The following ADAMTSL1 variants were observed in gnomAD, a reference collection of about 807,000 sequenced individuals.
The protein encoded by ADAMTSL1 is ADAMTS like 1.
In ADAMTSL1, 126 loss-of-function variants were observed where a neutral mutation model predicts 201.8. The observed-to-expected ratio is 0.62, with a 90% CI of 0.54 to 0.72. ADAMTSL1 has a LOEUF of 0.72. ADAMTSL1 is among the 30% of genes least tolerant of loss of function. The pLI, the probability that ADAMTSL1 is intolerant of heterozygous loss-of-function variation, is 0.00. For missense variants in ADAMTSL1, 2,679 were observed against 2,277.8 expected, an observed-to-expected ratio of 1.18 and a Z score of -3.59; for synonymous variants, 1,121 against 903.4, an observed-to-expected ratio of 1.24 and a Z score of -4.32.
At chr9:18,637,271 A>C (rs1048247463) in intron 6 of ADAMTSL1, among the ~76,000 whole-genome samples, 12 of 152,114 alleles carry the variant, frequency 7.9e-5, no homozygotes, top group African/African-American at 2.9e-4. Flanking sequence ...ATTACCACTC[A>C]AATGATTCAT....
At chr9:18,703,936 T>C (rs1832082106) in intron 13 of ADAMTSL1, among the ~76,000 whole-genome samples, 1 of 151,802 alleles carries the variant, frequency 6.6e-6, no homozygotes, top group Non-Finnish European at 1.5e-5. Context: ...TTCTAGATCT[T>C]ATCTGGGGCT....
intron 1 of ADAMTSL1, among the ~76,000 whole-genome samples, chr9:18,132,228 C>A (rs1006111315): frequency 6.6e-6 from 1 of 152,130 alleles, no homozygotes; most frequent in Non-Finnish European, 1.5e-5. Context: ...TTTCTTTGAT[C>A]AGTTCTTTTC....
intron 19 of ADAMTSL1, among the ~76,000 whole-genome samples, chr9:18,789,210 C>T (rs1821883605): frequency 6.6e-6 from 1 of 152,312 alleles, no homozygotes; most frequent in Non-Finnish European, 1.5e-5. Context: ...ACAACTGTAA[C>T]AAAATCATAA....
intron 1 of ADAMTSL1, among the ~76,000 whole-genome samples, chr9:18,125,556 T>A (rs920124459): frequency 2.1e-4 from 32 of 152,226 alleles, no homozygotes. Context: ...TTTATAATTT[T>A]AGCTTTTAAT....
chr9:18,735,746 T>A (rs1489895695), intron 15 of ADAMTSL1, among the ~76,000 whole-genome samples: 1 of 127,740 alleles, frequency 7.8e-6, no homozygotes, highest in Non-Finnish European at 1.7e-5. Context: ...GCATTCTTTT[T>A]TCTTTTTTTT....
chr9:17,936,527 G>T (rs1460255616), intron 1 of ADAMTSL1, among the ~76,000 whole-genome samples: 2 of 152,188 alleles, frequency 1.3e-5, no homozygotes, highest in Non-Finnish European at 2.9e-5. Flanking sequence ...GGTTGAACCA[G>T]TTGATCTCTG....
intron 19 of ADAMTSL1, among the ~76,000 whole-genome samples, chr9:18,783,159 G>T (rs1037247783): frequency 1.3e-5 from 2 of 152,194 alleles, no homozygotes; most frequent in African/African-American, 4.8e-5. Flanking sequence ...CTGGGCATTA[G>T]ATACATTGAG....
Position 18,274,562 on chromosome 9 carries a change from CA to C in ADAMTSL1, c.207+110590del, listed in dbSNP as rs911602451. Among the ~76,000 whole-genome samples the C allele has an allele frequency of 2.4e-3, 355 of 149,230 alleles. 3 individuals are homozygous for C. The highest frequency in any genetic ancestry group is 8.0e-3 in the African/African-American group (325 of 40,796). ...ATAAAAAGAAAATTTGTACTTAATG[CA>C]AAAAAAAATATTCATTATGCTCATT... is the stretch of plus-strand genomic sequence containing the variant. On this transcript the variant is annotated intron_variant, in intron 2 of 29. Transcript: ENST00000680146.
chr9:18,219,408 G>T (rs985493474), intron 2 of ADAMTSL1, among the ~76,000 whole-genome samples: 3 of 150,092 alleles, frequency 2.0e-5, no homozygotes, highest in Non-Finnish European at 4.4e-5. Context: ...TTGCTCTGTC[G>T]CCCAGGCTGA....
chr9:18,614,128 G>T lies in ADAMTSL1; in HGVS notation c.475-8115G>T, dbSNP rs1825558379. Among the ~76,000 whole-genome samples the T allele has an allele frequency of 2.0e-5, 3 of 152,164 alleles. No homozygotes were observed. In the South Asian group the frequency reaches 6.2e-4, roughly 32 times the overall value. The stretch of plus-strand genomic sequence containing the variant: ...AAGAGACTGAGCCAGAGGAAGTGAG[G>T]TCAGAGAGGTCGTTCACATAGATGC... On this transcript the variant is annotated intron_variant, in intron 4 of 28. Transcript: ENST00000380548.
chr9:18,241,687 A>C (rs1205984031), intron 2 of ADAMTSL1, among the ~76,000 whole-genome samples: 1 of 152,204 alleles, frequency 6.6e-6, no homozygotes, highest in Non-Finnish European at 1.5e-5. Flanking sequence ...AAAGTGAAGA[A>C]GTTACAACAG....
At chr9:18,381,144 T>C (rs976517052) in intron 2 of ADAMTSL1, among the ~76,000 whole-genome samples, 9 of 152,190 alleles carry the variant, frequency 5.9e-5, no homozygotes, top group Admixed American at 1.3e-4. Context: ...AATGTTTGTA[T>C]GTTTGGTTTA....
intron 23 of ADAMTSL1, among the ~76,000 whole-genome samples, chr9:18,860,986 A>G (rs1341066902): frequency 1.3e-5 from 2 of 152,228 alleles, no homozygotes; most frequent in East Asian, 3.9e-4. Flanking sequence ...TCTCACTTCC[A>G]TTCGTTATGC....
At position 18,151,579 on chromosome 9, in the gene ADAMTSL1, T is replaced by G. The variant is rs545522407; in HGVS notation, c.88-12283T>G. 7.2e-5 allele frequency among the ~76,000 whole-genome samples: 11 copies of G among 152,184 alleles called. No individual in the cohort carries two copies. The South Asian group carries it at 2.3e-3, about 32-fold the overall frequency. The stretch of plus-strand genomic sequence containing the variant: ...TGAACTATATGTGCCAAATTTATTT[T>G]CATTGTATTCAACAAACACAGTAGA... On this transcript the variant is annotated intron_variant, in intron 1 of 29. Coordinates refer to the ADAMTSL1 transcript ENST00000680146.
chr9:18,626,861 TTCTTTCTG>T (rs1398354728), intron 5 of ADAMTSL1, among the ~76,000 whole-genome samples: 1 of 133,702 alleles, frequency 7.5e-6, no homozygotes, highest in South Asian at 2.3e-4. Context: ...CTTTCTTTCT[TTCTTTCTG>T]TCTTTCTTCC....
intron 1 of ADAMTSL1, among the ~76,000 whole-genome samples, chr9:18,006,294 C>G (rs1819823845): frequency 6.6e-6 from 1 of 151,962 alleles, no homozygotes; most frequent in Non-Finnish European, 1.5e-5. Flanking sequence ...GTTTTGAGTA[C>G]TTATTACCTT....
chr9:18,479,972 C>T (rs1049047795), intron 1 of ADAMTSL1, among the ~76,000 whole-genome samples: 3 of 152,280 alleles, frequency 2.0e-5, no homozygotes, highest in Non-Finnish European at 4.4e-5. Flanking sequence ...TTTAAATATA[C>T]GTAGCCACAC....
chr9:18,895,689 G>T (rs188601907), intron 26 of ADAMTSL1, among the ~76,000 whole-genome samples: 1 of 152,092 alleles, frequency 6.6e-6, no homozygotes. Flanking sequence ...AAGACCTTAC[G>T]CTTTCACCTC....
At chr9:18,188,478 T>C (rs1273265498) in intron 2 of ADAMTSL1, among the ~76,000 whole-genome samples, 1 of 152,122 alleles carries the variant, frequency 6.6e-6, no homozygotes, top group Non-Finnish European at 1.5e-5. Flanking sequence ...TGTCTTCAAA[T>C]AGGTATACTC....
Sources: allele counts gnomAD v4.1 joint callset (sites outside exome capture counted in the v4.1 genomes callset), GRCh38; gene constraint gnomAD v4.1.1; transcripts MANE v1.5; gene names NCBI Gene and HGNC (gene_info 2026-07-23, HGNC 2026-07-21).